The following TUBA4B variants were observed in gnomAD, a reference collection of about 807,000 sequenced individuals.
The protein encoded by TUBA4B is tubulin alpha 4b, also known as tubulin-like protein alpha-4B.
Under a neutral mutation model 18.4 loss-of-function variants are expected in TUBA4B, and 13 were observed. The observed-to-expected ratio is 0.71, with a 90% CI of 0.46 to 1.12. The LOEUF is 1.12. Among genes scored for constraint, TUBA4B ranks in the 50% most tolerant of loss-of-function variants. The pLI is 0.00. For synonymous variants in TUBA4B, 101 were observed against 99.1 expected, an observed-to-expected ratio of 1.02 and a Z score of -0.11; for missense variants, 244 against 250.0, an observed-to-expected ratio of 0.98 and a Z score of 0.16.
At chr2:219,262,971 G>A (rs1404619371) in intron 1 of TUBA4B, among the ~76,000 whole-genome samples, 1 of 152,036 alleles carries the variant, frequency 6.6e-6, no homozygotes, top group Non-Finnish European at 1.5e-5. Flanking sequence ...AACCCGGGAG[G>A]CGGAGGTCGC....
chr2:219,263,622 C>T (rs1301241137), intron 1 of TUBA4B, among the ~76,000 whole-genome samples: 1 of 152,206 alleles, frequency 6.6e-6, no homozygotes, highest in African/African-American at 2.4e-5. Flanking sequence ...GCCCTCTGGG[C>T]CCCATATCAC....
intron 1 of TUBA4B, among the ~76,000 whole-genome samples, chr2:219,263,385 C>T (rs1224146888): frequency 6.6e-6 from 1 of 151,536 alleles, no homozygotes; most frequent in East Asian, 2.0e-4. Flanking sequence ...CCTAGGTACT[C>T]GGGAGGCTGA....
intron 1 of TUBA4B, among the ~76,000 whole-genome samples, chr2:219,264,197 T>C (rs1418139543): frequency 1.3e-5 from 2 of 152,228 alleles, no homozygotes; most frequent in African/African-American, 4.8e-5. Flanking sequence ...CAGTGGCTCA[T>C]GCCTGTAATC....
chr2:219,261,526 CAAAT>C (rs1484283222), intron 1 of TUBA4B, among the ~76,000 whole-genome samples: 1 of 152,206 alleles, frequency 6.6e-6, no homozygotes, highest in African/African-American at 2.4e-5. Flanking sequence ...GGTGAATACT[CAAAT>C]AAAATCAGGA....
In TUBA4B at chr2:219,266,462, G is replaced by C. The variant is rs576594193; in HGVS notation, c.13-59G>C. The C allele has an allele frequency of 6.6e-5, 45 of 683,128 alleles. No individual in the cohort carries two copies. In the South Asian group the frequency reaches 6.8e-4, roughly 10 times the overall value. The allele number at this position is 683,128 out of a possible 1,614,324, so 42.3% of individuals were successfully genotyped here. The stretch of plus-strand genomic sequence containing the variant: ...GAGAGCCACCCAGCGAGTATAAGGA[G>C]GAGGCTGGCTGGCCGCTGCAGGCCT... On this transcript the variant is annotated intron_variant, in intron 1 of 3. Transcript: ENST00000490341.
At chr2:219,266,791 G>T (rs1003308476) in intron 2 of TUBA4B, among the ~76,000 whole-genome samples, 2 of 152,140 alleles carry the variant, frequency 1.3e-5, no homozygotes, top group African/African-American at 2.4e-5. Flanking sequence ...TGGTAACCAG[G>T]TTGTGGGGCT....
At chr2:219,253,586 G>GT (rs1370925902) in intron 1 of TUBA4B, among the ~76,000 whole-genome samples, 167 bp downstream of exon 1, 1 of 152,184 alleles carries the variant, frequency 6.6e-6, no homozygotes, top group Non-Finnish European at 1.5e-5. Context: ...ACAAATGCTC[G>GT]TAAGGCAGGA....
intron 3 of TUBA4B, 71 bp downstream of exon 3, chr2:219,270,406 C>G: frequency 1.4e-6 from 1 of 689,798 alleles, no homozygotes; most frequent in Non-Finnish European, 2.7e-6. Context: ...GTCTGGACAC[C>G]AGATTGGGGA....
chr2:219,265,215 A>C (rs549547727), intron 1 of TUBA4B, among the ~76,000 whole-genome samples: 1 of 152,314 alleles, frequency 6.6e-6, no homozygotes, highest in African/African-American at 2.4e-5. Context: ...ATTAATCCCC[A>C]TGTGACCTCA....
At chr2:219,253,956 G>C (rs886528154) in intron 1 of TUBA4B, 133 of 1,182,454 alleles carry the variant, frequency 1.1e-4, no homozygotes, top group Non-Finnish European at 1.4e-4. Context: ...TAGGCGGGGG[G>C]GGGGCGGGGC....
chr2:219,265,897 G>A (rs1488333010), intron 1 of TUBA4B, among the ~76,000 whole-genome samples: 3 of 152,154 alleles, frequency 2.0e-5, no homozygotes, highest in African/African-American at 7.2e-5. Context: ...TTAGTACCTC[G>A]TAATACTACC....
rs1250186434 is a variant in TUBA4B at position 219,271,587 on chromosome 2, C to T, written c.614C>T (p.Thr205Ile). ...QTNLVSYLTS[T>I]SPWPPMHQSS... Reference sequence around the variant, plus strand: ...AACCTGGTGTCCTACCTCACATCCACTTCCCCCTGGCCACCTATGCACCAG... The same window carrying T: ...AACCTGGTGTCCTACCTCACATCCATTTCCCCCTGGCCACCTATGCACCAG... The change falls in exon 4 of 4, where the codon ACT (threonine) becomes ATT (isoleucine). Residue 205 changes from threonine to isoleucine, a missense_variant. Coordinates refer to ENST00000490341, the MANE Select transcript of TUBA4B (RefSeq NM_001355221.1). 3.7e-6 allele frequency: 6 copies of T among 1,614,208 alleles called. No individual in the cohort carries two copies. Among genetic ancestry groups the T allele is most frequent in the East Asian group, 2.2e-5 (1 of 44,890 alleles).
chr2:219,263,786 G>T (rs115890861), intron 1 of TUBA4B, among the ~76,000 whole-genome samples: 2,538 of 152,322 alleles, frequency 0.017, 23 homozygotes, highest in Non-Finnish European at 0.023. Context: ...CCTTCAGTCT[G>T]TAGCCAAAGC....
At chr2:219,255,667 C>T (rs1043653786) in intron 1 of TUBA4B, among the ~76,000 whole-genome samples, 1 of 152,158 alleles carries the variant, frequency 6.6e-6, no homozygotes, top group African/African-American at 2.4e-5. Flanking sequence ...ACCACCCCAG[C>T]CTGCCTTGCA....
Position 219,253,356 on chromosome 2 carries a change from G to GGC in TUBA4B, c.-51_-50insCG, listed in dbSNP as rs1553571359. Reference sequence around the variant, plus strand: ...CTCAGACGCGGGGTGCTGAGTCACGGGGGGGGGGTGGTTCTGTGGATAGTT... The same window carrying GGC: ...CTCAGACGCGGGGTGCTGAGTCACGGGCGGGGGGGGTGGTTCTGTGGATAGTT... On this transcript the variant is annotated 5_prime_UTR_variant, in exon 1 of 4. Transcript: ENST00000490341. 35 of 1,462,264 alleles carry GGC rather than the reference G, an allele frequency of 2.4e-5. No homozygotes were observed. Among genetic ancestry groups the GGC allele is most frequent in the Middle Eastern group, 3.4e-4 (2 of 5,814 alleles). The allele number at this position is 1,462,264 out of a possible 1,614,324, so 90.6% of individuals were successfully genotyped here.
At position 219,272,180 on chromosome 2, in the gene TUBA4B, T is replaced by C. The variant is rs1259109988; in HGVS notation, c.*481T>C. On this transcript the variant is annotated 3_prime_UTR_variant, in exon 4 of 4. Transcript: ENST00000490341. ...TGTGTGTCTGTCCTACATAAAGTGC[T>C]GTGGCCTTATTGTCTCACGAATGTC... The C allele has an allele frequency of 7.8e-6, 4 of 513,858 alleles. No homozygotes were observed. The Admixed American group carries it at 1.2e-4, about 15-fold the overall frequency. 31.8% of individuals were successfully genotyped at this position (513,858 alleles called of 1,614,324 possible).
At chr2:219,262,989 C>T (rs768718924) in intron 1 of TUBA4B, among the ~76,000 whole-genome samples, 2 of 151,900 alleles carry the variant, frequency 1.3e-5, no homozygotes, top group African/African-American at 2.4e-5. Context: ...CGCAGTGAGC[C>T]GAGATAGCAC....
chr2:219,258,466 G>A (rs1559279554), intron 1 of TUBA4B, among the ~76,000 whole-genome samples: 1 of 150,970 alleles, frequency 6.6e-6, no homozygotes, highest in Non-Finnish European at 1.5e-5. Flanking sequence ...GACTACAGGT[G>A]TGCACCACCA....
chr2:219,266,249 G>A (rs963555277), intron 1 of TUBA4B: 61 of 411,592 alleles, frequency 1.5e-4, no homozygotes, highest in African/African-American at 9.8e-4. Flanking sequence ...ATGGGATTGC[G>A]TGACTGACAA....
Sources: gnomAD v4.1 joint callset for allele counts (sites outside exome capture counted in the v4.1 genomes callset) on GRCh38, gnomAD v4.1.1 for gene constraint, MANE v1.5 for transcripts, NCBI Gene and HGNC (gene_info 2026-07-23, HGNC 2026-07-21) for gene names.